ST6GALNAC3: variants seen among roughly 807,000 people sequenced by gnomAD.
ST6GALNAC3 encodes alpha-N-acetylgalactosaminide alpha-2,6-sialyltransferase 3.
A neutral mutation model predicts 32.7 loss-of-function variants in ST6GALNAC3; 25 were observed. The ratio of observed to expected loss-of-function variants is 0.76; its 90% CI spans 0.56 to 1.07. The LOEUF is 1.07. ST6GALNAC3 is among the 50% of genes least tolerant of loss of function. ST6GALNAC3 has a pLI of 0.00. For synonymous variants in ST6GALNAC3, 129 were observed against 133.1 expected, an observed-to-expected ratio of 0.97 and a Z score of 0.21; for missense variants, 355 against 382.4, an observed-to-expected ratio of 0.93 and a Z score of 0.60.
chr1:76,198,062 G>A (rs560225384), intron 1 of ST6GALNAC3, among the ~76,000 whole-genome samples: 1 of 152,246 alleles, frequency 6.6e-6, no homozygotes, highest in East Asian at 1.9e-4. Context: ...TTCTGAGACA[G>A]GGTCTCACTG....
intron 1 of ST6GALNAC3, among the ~76,000 whole-genome samples, chr1:76,078,034 C>G (rs939327019): frequency 2.6e-5 from 4 of 152,160 alleles, no homozygotes; most frequent in Non-Finnish European, 1.5e-5. Context: ...AAGGAGAGAG[C>G]AATTACCCCT....
intron 1 of ST6GALNAC3, among the ~76,000 whole-genome samples, chr1:76,247,804 T>A (rs1657360624): frequency 6.6e-6 from 1 of 151,150 alleles, no homozygotes; most frequent in Non-Finnish European, 1.5e-5. Context: ...GCTCCCTGGC[T>A]TCATCCCCCT....
chr1:76,210,630 G>A (rs938260672), intron 1 of ST6GALNAC3, among the ~76,000 whole-genome samples: 2 of 152,188 alleles, frequency 1.3e-5, no homozygotes, highest in Admixed American at 6.5e-5. Context: ...CAATCAAGGT[G>A]TTCGCATGTT....
intron 2 of ST6GALNAC3, among the ~76,000 whole-genome samples, chr1:76,369,004 T>A (rs574452999): frequency 1.3e-5 from 2 of 152,284 alleles, no homozygotes; most frequent in South Asian, 4.1e-4. Context: ...GCCAGCACAA[T>A]GCTGTCTATG....
chr1:76,108,335 T>C (rs1647679737), intron 1 of ST6GALNAC3, among the ~76,000 whole-genome samples: 1 of 152,154 alleles, frequency 6.6e-6, no homozygotes, highest in African/African-American at 2.4e-5. Flanking sequence ...TTCACAAAAA[T>C]TCACAGAATA....
intron 2 of ST6GALNAC3, among the ~76,000 whole-genome samples, chr1:76,348,269 C>T (rs1648683956): frequency 6.6e-6 from 1 of 152,136 alleles, no homozygotes; most frequent in South Asian, 2.1e-4. Context: ...GACTTGTGCA[C>T]TTTCTGACCC....
At chr1:76,093,156 T>C (rs1647072931) in intron 1 of ST6GALNAC3, among the ~76,000 whole-genome samples, 1 of 152,104 alleles carries the variant, frequency 6.6e-6, no homozygotes. Flanking sequence ...AGTCTAAAAA[T>C]AAATGGGAAT....
intron 1 of ST6GALNAC3, among the ~76,000 whole-genome samples, chr1:76,237,264 G>A (rs1656708794): frequency 1.3e-5 from 2 of 152,182 alleles, no homozygotes; most frequent in African/African-American, 4.8e-5. Flanking sequence ...CTCCCAGGTA[G>A]CTGGGACTAC....
intron 2 of ST6GALNAC3, among the ~76,000 whole-genome samples, chr1:76,384,313 G>A (rs746124020): frequency 1.3e-5 from 2 of 152,108 alleles, no homozygotes; most frequent in Non-Finnish European, 2.9e-5. Flanking sequence ...ATGACATAGT[G>A]ACAAAATGGG....
intron 2 of ST6GALNAC3, among the ~76,000 whole-genome samples, chr1:76,333,009 A>G (rs2100966009): frequency 6.6e-6 from 1 of 152,222 alleles, no homozygotes; most frequent in South Asian, 2.1e-4. Flanking sequence ...ATATAACCAT[A>G]GGCCCCTGAA....
At chr1:76,591,244 G>A (rs1314152840) in intron 3 of ST6GALNAC3, among the ~76,000 whole-genome samples, 1 of 151,856 alleles carries the variant, frequency 6.6e-6, no homozygotes, top group East Asian at 1.9e-4. Context: ...GACATTTCAG[G>A]CAAAGGGAAT....
chr1:76,491,406 T>A (rs1660491783), intron 3 of ST6GALNAC3, among the ~76,000 whole-genome samples: 1 of 152,146 alleles, frequency 6.6e-6, no homozygotes, highest in Non-Finnish European at 1.5e-5. Context: ...GTTCTCTTGA[T>A]ACAGATCATG....
chr1:76,253,832 G>A (rs1301234385), intron 1 of ST6GALNAC3, among the ~76,000 whole-genome samples: 1 of 152,094 alleles, frequency 6.6e-6, no homozygotes, highest in Non-Finnish European at 1.5e-5. Flanking sequence ...GGCATGGGTA[G>A]TTGGGCACAA....
At chr1:76,613,595 G>A (rs1349395570) in intron 3 of ST6GALNAC3, among the ~76,000 whole-genome samples, 1 of 152,212 alleles carries the variant, frequency 6.6e-6, no homozygotes, top group Non-Finnish European at 1.5e-5. Flanking sequence ...GAGGGGCCTG[G>A]TGGGAGGTGA....
At chr1:76,141,555 G>C (rs1570159378) in intron 1 of ST6GALNAC3, among the ~76,000 whole-genome samples, 1 of 152,064 alleles carries the variant, frequency 6.6e-6, no homozygotes, top group African/African-American at 2.4e-5. Flanking sequence ...AAAAGTGAAA[G>C]ACTAAAGCTT....
intron 3 of ST6GALNAC3, among the ~76,000 whole-genome samples, chr1:76,448,305 C>T (rs926470924): frequency 1.3e-5 from 2 of 152,184 alleles, no homozygotes; most frequent in Non-Finnish European, 2.9e-5. Context: ...CCTGTACCCC[C>T]TCTGTATCTA....
chr1:76,527,884 A>G (rs1286499277), intron 3 of ST6GALNAC3, among the ~76,000 whole-genome samples: 1 of 152,136 alleles, frequency 6.6e-6, no homozygotes, highest in African/African-American at 2.4e-5. Flanking sequence ...AAGAAGAAAG[A>G]GGGTATCAGC....
intron 3 of ST6GALNAC3, among the ~76,000 whole-genome samples, chr1:76,499,391 CA>C (rs1299453686): frequency 6.6e-6 from 1 of 152,202 alleles, no homozygotes; most frequent in East Asian, 1.9e-4. Flanking sequence ...AAGCACTTAT[CA>C]AACCACACAG....
chr1:76,223,806 G>C (rs1049761452), intron 1 of ST6GALNAC3, among the ~76,000 whole-genome samples: 2 of 151,580 alleles, frequency 1.3e-5, no homozygotes, highest in Non-Finnish European at 1.5e-5. Flanking sequence ...TTAAGAATTT[G>C]ATCCTGCAAA....
Sources: allele counts gnomAD v4.1 joint callset (sites outside exome capture counted in the v4.1 genomes callset), GRCh38; gene constraint gnomAD v4.1.1; transcripts MANE v1.5; gene names NCBI Gene and HGNC (gene_info 2026-07-23, HGNC 2026-07-21).